HMCN1: variants seen among roughly 807,000 people sequenced by gnomAD.
HMCN1 encodes hemicentin 1.
A neutral mutation model predicts 625.9 loss-of-function variants in HMCN1; 321 were observed. That is an observed-to-expected ratio of 0.51 (90% CI 0.47 to 0.56). The LOEUF (loss-of-function observed/expected upper bound fraction) is 0.56, where lower values mean the gene tolerates loss of function less well. Among genes scored for constraint, HMCN1 ranks in the 20% least tolerant of loss-of-function variants. The probability of loss-of-function intolerance (pLI) is 0.00; values close to 1 mark genes in which losing one functional copy is unlikely to be tolerated. For synonymous variants in HMCN1, 2,425 were observed against 2,417.6 expected (o/e 1.00, Z -0.09); for missense variants, 6,588 against 6,887.3 (o/e 0.96, Z 1.54).
At chr1:185,891,868 A>C (rs969523283) in intron 4 of HMCN1, among the ~76,000 whole-genome samples, 5 of 147,782 alleles carry the variant, frequency 3.4e-5, no homozygotes, top group Admixed American at 6.6e-5. Flanking sequence ...GCCTTGCTAG[A>C]TTGGGGAAAT....
intron 11 of HMCN1, among the ~76,000 whole-genome samples, chr1:185,942,346 G>A (rs1336476175): frequency 6.6e-6 from 1 of 152,176 alleles, no homozygotes; most frequent in African/African-American, 2.4e-5. Flanking sequence ...ATTCAGCCAA[G>A]TCTGATGGCT....
chr1:186,174,741 CTT>C, intron 103 of HMCN1, 99 bp downstream of exon 103: 2 of 1,054,022 alleles, frequency 1.9e-6, no homozygotes, highest in Non-Finnish European at 2.9e-6. Context: ...CAAATGGTCT[CTT>C]GTTACAATAA....
Position 186,130,099 on chromosome 1 carries a change from A to C in HMCN1, c.13038A>C (p.Lys4346Asn), listed in dbSNP as rs755398076. 1 of 1,613,058 alleles carries C rather than the reference A, an allele frequency of 6.2e-7. No homozygotes were observed. The highest frequency in any genetic ancestry group is 1.1e-5 in the South Asian group (1 of 91,082). ...FVKAIGFVYV[K>N]EPPVFKGDYP... ...AGGCAATTGGATTTGTTTATGTGAAAGGTAGGGAAAAGCGCTCCATTTTTA... is the reference window on the plus strand; with the variant it reads ...AGGCAATTGGATTTGTTTATGTGAACGGTAGGGAAAAGCGCTCCATTTTTA... Residue 4346 changes from lysine to asparagine, a missense_variant and splice_region_variant, in exon 84 of 107, where the codon AAA becomes AAC. Transcript: ENST00000271588.
intron 1 of HMCN1, among the ~76,000 whole-genome samples, chr1:185,771,387 T>C (rs946002803): frequency 1.3e-5 from 2 of 152,096 alleles, no homozygotes; most frequent in African/African-American, 2.4e-5. Flanking sequence ...TGGTGTGAAG[T>C]ATGAGGAGGG....
chr1:185,856,575 A>C (rs751057532), intron 2 of HMCN1, among the ~76,000 whole-genome samples: 27 of 152,044 alleles, frequency 1.8e-4, no homozygotes, highest in Non-Finnish European at 3.8e-4. Flanking sequence ...CAGATTACAC[A>C]AATAAGACAT....
At chr1:186,106,654 C>T (rs892374300) in intron 69 of HMCN1, among the ~76,000 whole-genome samples, 3 of 152,110 alleles carry the variant, frequency 2.0e-5, no homozygotes, top group East Asian at 1.9e-4. Context: ...ATATACTTAA[C>T]GTACAAACAT....
chr1:186,046,587 G>C (rs1186825324), intron 41 of HMCN1, among the ~76,000 whole-genome samples: 1 of 152,092 alleles, frequency 6.6e-6, no homozygotes, highest in Non-Finnish European at 1.5e-5. Flanking sequence ...AGTACTGTAA[G>C]TCTGAGTCAA....
intron 89 of HMCN1, among the ~76,000 whole-genome samples, chr1:186,143,556 T>C (rs1296073026): frequency 6.6e-6 from 1 of 152,234 alleles, no homozygotes; most frequent in Non-Finnish European, 1.5e-5. Context: ...TTATGTTGTT[T>C]AGGAAGCAGG....
chr1:185,925,941 G>A (rs1667254195), intron 9 of HMCN1, among the ~76,000 whole-genome samples: 1 of 152,182 alleles, frequency 6.6e-6, no homozygotes, highest in African/African-American at 2.4e-5. Flanking sequence ...GGTCTGTGCT[G>A]CAGGTGAGTG....
chr1:186,114,522 G>C (rs1165725740), intron 73 of HMCN1, among the ~76,000 whole-genome samples: 1 of 152,146 alleles, frequency 6.6e-6, no homozygotes, highest in Non-Finnish European at 1.5e-5. Context: ...GCCTTCCACA[G>C]TGCTGGGATT....
intron 68 of HMCN1, among the ~76,000 whole-genome samples, chr1:186,096,396 C>G (rs1328310292): frequency 2.0e-5 from 3 of 152,082 alleles, no homozygotes; most frequent in Non-Finnish European, 4.4e-5. Context: ...ATTTAATACA[C>G]TAGAGACTAT....
In HMCN1 at chr1:185,794,221, C is replaced by A. The variant is rs563668077; in HGVS notation, c.269-51805C>A. ...GTTGAAAATAGCAAGAACATCCTAACAAGTCTGTAATGCAGCTACGCTCTC... is the reference window on the plus strand; with the variant it reads ...GTTGAAAATAGCAAGAACATCCTAAAAAGTCTGTAATGCAGCTACGCTCTC... On this transcript the variant is annotated intron_variant, in intron 1 of 106. Coordinates refer to ENST00000271588, the MANE Select transcript of HMCN1 (RefSeq NM_031935.3). Among the ~76,000 whole-genome samples, 27 of 152,102 alleles carry A rather than the reference C, an allele frequency of 1.8e-4. No homozygotes were observed. In the East Asian group the frequency reaches 5.2e-3, roughly 29 times the overall value.
chr1:185,783,168 A>G (rs1190469883), intron 1 of HMCN1, among the ~76,000 whole-genome samples: 1 of 152,122 alleles, frequency 6.6e-6, no homozygotes, highest in Non-Finnish European at 1.5e-5. Context: ...TTCGTCACGT[A>G]GTTCTTGTGC....
At chr1:186,021,202 A>G (rs1654697588) in intron 35 of HMCN1, among the ~76,000 whole-genome samples, 1 of 152,078 alleles carries the variant, frequency 6.6e-6, no homozygotes, top group Non-Finnish European at 1.5e-5. Context: ...TTCTTTATGA[A>G]AAGTGAAGGA....
Position 186,144,647 on chromosome 1 carries a change from G to A in HMCN1, c.14210G>A (p.Arg4737Lys). The A allele has an allele frequency of 6.2e-7, 1 of 1,614,158 alleles. No individual in the cohort carries two copies. The highest frequency in any genetic ancestry group is 8.5e-7 in the Non-Finnish European group (1 of 1,180,022). ...CSDPVPQYGG[R>K]KCEGSDVQSD... ...GACCCTGTGCCCCAGTATGGAGGAA[G>A]GAAATGCGAAGGGAGTGATGTCCAG... Residue 4737 changes from arginine (R) to lysine (K), a missense_variant, in exon 91 of 107, where the codon AGG (arginine) becomes AAG (lysine). Arg to Lys is a conservative substitution (Grantham distance 26). This residue lies in a region of HMCN1 where 1,954 missense variants were observed against 2,013.1 expected (regional missense o/e 0.97). Coordinates refer to ENST00000271588, the MANE Select transcript of HMCN1 (RefSeq NM_031935.3).
In HMCN1 at chr1:186,114,208, C is replaced by G. The variant is rs1661020844; in HGVS notation, c.11276+85C>G. The G allele has an allele frequency of 4.4e-6, 6 of 1,377,192 alleles. No homozygotes were observed. In the Admixed American group the frequency reaches 1.0e-4, roughly 24 times the overall value. The allele number at this position is 1,377,192 out of a possible 1,614,324, so 85.3% of individuals were successfully genotyped here. On this transcript the variant is annotated intron_variant, in intron 73 of 106. Coordinates refer to ENST00000271588, the MANE Select transcript of HMCN1 (RefSeq NM_031935.3). ...TTTTCCTAGTGCACTATTTTGGTCT[C>G]ATTATGTTTAGAATCAGCATTTCAT... is the stretch of plus-strand genomic sequence containing the variant.
intron 55 of HMCN1, among the ~76,000 whole-genome samples, chr1:186,079,034 G>T (rs1571319055): frequency 6.6e-6 from 1 of 152,294 alleles, no homozygotes; most frequent in Non-Finnish European, 1.5e-5. Context: ...ACCTTGTCAG[G>T]TTCACAGCTA....
At chr1:185,780,045 C>T (rs1656948895) in intron 1 of HMCN1, among the ~76,000 whole-genome samples, 1 of 152,180 alleles carries the variant, frequency 6.6e-6, no homozygotes, top group African/African-American at 2.4e-5. Context: ...TGTAGTTCTC[C>T]TTGAAGAGGT....
chr1:186,037,405 G>A (rs1334394264), intron 36 of HMCN1, among the ~76,000 whole-genome samples: 2 of 151,968 alleles, frequency 1.3e-5, no homozygotes, highest in Non-Finnish European at 2.9e-5. Context: ...AGTTGAAAAC[G>A]TACTTTTCTG....
Sources: gnomAD v4.1 joint callset for allele counts (sites outside exome capture counted in the v4.1 genomes callset) on GRCh38, gnomAD v4.1.1 for gene constraint, gnomAD v4.1.1 regional missense constraint, MANE v1.5 for transcripts, NCBI Gene and HGNC (gene_info 2026-07-23, HGNC 2026-07-21) for gene names.